RYR1: variants seen among roughly 807,000 people sequenced by gnomAD.
RYR1 encodes ryanodine receptor 1.
In RYR1, 342 loss-of-function variants were observed where a neutral mutation model predicts 583.5. The observed-to-expected ratio is 0.59, with a 90% CI of 0.54 to 0.64. The LOEUF (loss-of-function observed/expected upper bound fraction) is 0.64. RYR1 is among the 30% of genes least tolerant of loss of function. The pLI is 0.00. For missense variants in RYR1, 6,032 were observed against 6,917.2 expected (o/e 0.87, Z 4.54); for synonymous variants, 2,791 against 2,822.5 (o/e 0.99, Z 0.35).
At position 38,446,705 on chromosome 19, in the gene RYR1, A is replaced by C. The variant is rs923613797; in HGVS notation, c.737A>C (p.Tyr246Ser). The C allele has an allele frequency of 6.2e-7, 1 of 1,613,872 alleles. No individual in the cohort carries two copies. Among genetic ancestry groups the C allele is most frequent in the Admixed American group, 1.7e-5 (1 of 60,018 alleles). ...DSDDQRRLVY[Y>S]EGGAVCTHAR... is the part of the protein sequence containing the mutation. The stretch of plus-strand genomic sequence containing the variant: ...TTCTGTGTCCCCAGACTTGTCTACT[A>C]TGAGGGGGGAGCTGTGTGCACTCAT... The change falls in exon 9 of 106, where the codon TAT (tyrosine) becomes TCT (serine). Residue 246 changes from tyrosine (Y) to serine (S), a missense_variant. Physicochemically the swap from Tyr to Ser is moderately radical, Grantham distance 144 (BLOSUM62 -2). Transcript: ENST00000359596.
intron 36 of RYR1, 83 bp from the exon 37 acceptor site, chr19:38,490,538 A>G: frequency 1.1e-6 from 1 of 943,626 alleles, no homozygotes; most frequent in South Asian, 1.3e-5. Context: ...GACATGGACT[A>G]ACAATTGCAT....
chr19:38,478,675 T>C, intron 31 of RYR1, 75 bp downstream of exon 31: 1 of 1,534,746 alleles, frequency 6.5e-7, no homozygotes, highest in African/African-American at 1.4e-5. Context: ...AGATGTCCCC[T>C]GAGGCCAGAC....
chr19:38,489,247 A>G lies in RYR1; in HGVS notation c.5618A>G (p.Glu1873Gly). ...ATGATTGAGCCTGAGGTCTTCACTG[A>G]GGAAGAAGAGGAGGAGGACGAGGAG... Reference protein sequence around the residue: ...LKMIEPEVFTEEEEEEDEEEE... With the variant: ...LKMIEPEVFTGEEEEEDEEEE... The change falls in exon 35 of 106, where the codon GAG becomes GGG. Residue 1873 changes from glutamate (E) to glycine (G), a missense_variant. Transcript: ENST00000359596. The G allele has an allele frequency of 6.2e-7, 1 of 1,613,382 alleles. No homozygotes were observed. Among genetic ancestry groups the G allele is most frequent in the Non-Finnish European group, 8.5e-7 (1 of 1,179,398 alleles).
Position 38,499,475 on chromosome 19 carries a change from G to A in RYR1, c.7028-160G>A, listed in dbSNP as rs959511064. 4.9e-5 allele frequency among the ~76,000 whole-genome samples: 6 copies of A among 122,240 alleles called. No homozygotes were observed. The highest frequency in any genetic ancestry group is 1.1e-4 in the Non-Finnish European group (6 of 56,654). The allele number at this position is 122,240 out of a possible 152,430, so 80.2% of individuals were successfully genotyped here. Reference sequence around the variant, plus strand: ...CCTGGTGTTACCCCTAGAGGTGTTGGGTCCTGGGGCTGGCAGGGGCCTGGT... The same window carrying A: ...CCTGGTGTTACCCCTAGAGGTGTTGAGTCCTGGGGCTGGCAGGGGCCTGGT... On this transcript the variant is annotated intron_variant, in intron 43 of 105. Coordinates refer to ENST00000359596, the MANE Select transcript of RYR1 (RefSeq NM_000540.3). The surrounding 1 kb of genome is among the most constrained non-coding windows in gnomAD (Gnocchi z 7.3).
chr19:38,525,461 G>T lies in RYR1; in HGVS notation c.10585G>T (p.Asp3529Tyr), dbSNP rs749796187. ...CGGCCTGAATATGTGTGCGCCCACCGACCAAGACCTCATCACGCTGGCCAA... is the reference window on the plus strand; with the variant it reads ...CGGCCTGAATATGTGTGCGCCCACCTACCAAGACCTCATCACGCTGGCCAA... ...PIGLNMCAPTDQDLITLAKTR... is the reference protein window; with the variant it reads ...PIGLNMCAPTYQDLITLAKTR... The change falls in exon 71 of 106, where the codon GAC becomes TAC. Residue 3529 changes from aspartate (D) to tyrosine (Y), a missense_variant. By Grantham distance (160) the Asp-to-Tyr change is radical. This residue lies in a region of RYR1 where 1,493 missense variants were observed against 1,715.5 expected (regional missense o/e 0.87). Coordinates refer to ENST00000359596, the MANE Select transcript of RYR1 (RefSeq NM_000540.3). 1.2e-6 allele frequency: 2 copies of T among 1,613,906 alleles called. No individual in the cohort carries two copies. Among genetic ancestry groups the T allele is most frequent in the Non-Finnish European group, 1.7e-6 (2 of 1,179,940 alleles).
chr19:38,441,414 A>C, intron 2 of RYR1, among the ~76,000 whole-genome samples: 1 of 62,638 alleles, frequency 1.6e-5, no homozygotes, highest in East Asian at 4.0e-4. Context: ...GGGGCGGGGG[A>C]GGATGGGACA....
chr19:38,534,263 G>T (rs1057282390), intron 78 of RYR1, among the ~76,000 whole-genome samples: 2 of 151,848 alleles, frequency 1.3e-5, no homozygotes, highest in African/African-American at 4.8e-5. Flanking sequence ...TCCCTGCCTC[G>T]GCCTCCCAAA....
At chr19:38,475,486 C>CGCATA in intron 29 of RYR1, 36 bp downstream of exon 29, 1 of 1,611,696 alleles carries the variant, frequency 6.2e-7, no homozygotes, top group Non-Finnish European at 8.5e-7. Flanking sequence ...GGGGTCCCCC[C>CGCATA]GCATAGCATA....
At chr19:38,462,697 G>A (rs1400962681) in intron 20 of RYR1, among the ~76,000 whole-genome samples, 1 of 152,132 alleles carries the variant, frequency 6.6e-6, no homozygotes, top group Admixed American at 6.5e-5. Context: ...ATACGGAGAA[G>A]GAAGGAGACT....
intron 97 of RYR1, among the ~76,000 whole-genome samples, chr19:38,577,508 C>T (rs1161006598): frequency 6.6e-6 from 1 of 151,964 alleles, no homozygotes; most frequent in Non-Finnish European, 1.5e-5. Flanking sequence ...TAGAAAAAAA[C>T]AAAGTGGGCT....
chr19:38,463,366 C>T (rs1600701342), intron 20 of RYR1, 57 bp from the exon 21 acceptor site: 2 of 1,455,754 alleles, frequency 1.4e-6, no homozygotes, highest in Middle Eastern at 1.7e-4. Context: ...AAAGAGGGGT[C>T]ATGATGGAGG....
intron 20 of RYR1, among the ~76,000 whole-genome samples, chr19:38,462,547 C>T (rs1174137316): frequency 6.6e-6 from 1 of 152,166 alleles, no homozygotes; most frequent in Non-Finnish European, 1.5e-5. Context: ...ACCATCATTG[C>T]CTCTTGCCTG....
chr19:38,479,883 A>AT lies in RYR1; in HGVS notation c.4620+1291dup, dbSNP rs1456542114. ...AGGCACGTGCCACCATGCCCAGCTA[A>AT]TTTTTTTTGTATTTATTGTGCAGAC... is the stretch of plus-strand genomic sequence containing the variant. On this transcript the variant is annotated intron_variant, in intron 31 of 105. Coordinates refer to ENST00000359596, the MANE Select transcript of RYR1 (RefSeq NM_000540.3). Among the ~76,000 whole-genome samples the AT allele has an allele frequency of 4.7e-5, 7 of 150,438 alleles. No homozygotes were observed. The South Asian group carries it at 8.4e-4, about 18-fold the overall frequency.
rs758325914 is a variant in RYR1 at position 38,444,106 on chromosome 19, A to C, written c.425-43A>C. On this transcript the variant is annotated intron_variant, in intron 5 of 105. Transcript: ENST00000359596. This position sits in a 1 kb window ranked among gnomAD's most constrained non-coding sequence, Gnocchi z 5.1. ...AGCCCTGGGGAAGAGCATTCTGGGA[A>C]GCCATCATCTGACAGCCACCCCCAT... The C allele has an allele frequency of 1.4e-5, 22 of 1,522,254 alleles. No homozygotes were observed. In the South Asian group the frequency reaches 2.2e-4, roughly 16 times the overall value. The allele number at this position is 1,522,254 out of a possible 1,614,324, so 94.3% of individuals were successfully genotyped here.
At chr19:38,572,980 C>T (rs536025943) in intron 95 of RYR1, among the ~76,000 whole-genome samples, 197 bp from the exon 96 acceptor site, 1 of 151,684 alleles carries the variant, frequency 6.6e-6, no homozygotes, top group Admixed American at 6.6e-5. Context: ...CCCATCCCTG[C>T]CCTGACCCCT....
At position 38,565,857 on chromosome 19, in the gene RYR1, A is replaced by T; in HGVS notation, c.13437+86A>T. On this transcript the variant is annotated intron_variant, in intron 91 of 105. Coordinates refer to ENST00000359596, the MANE Select transcript of RYR1 (RefSeq NM_000540.3). This position sits in a 1 kb window ranked among gnomAD's most constrained non-coding sequence, Gnocchi z 4.7. ...AGCCCGGCTGGGTGGAGACACACAC[A>T]GAGGAGAGAACTGGCTAGGGGGATG... 5 of 1,322,822 alleles carry T rather than the reference A, an allele frequency of 3.8e-6. No homozygotes were observed. In the South Asian group the frequency reaches 9.8e-5, roughly 26 times the overall value. The allele number at this position is 1,322,822 out of a possible 1,614,324, so 81.9% of individuals were successfully genotyped here. A position where few individuals can be genotyped will look rare whatever the true frequency, so the allele number is the denominator to read the frequency against.
At position 38,504,252 on chromosome 19, in the gene RYR1, G is replaced by A. The variant is rs774345283; in HGVS notation, c.7959G>A (p.Lys2653=). ...LLTNHYERCW[K]YYCLPTGWAN... ...CCAACCACTATGAGCGCTGTTGGAA[G>A]TACTACTGCCTACCCACGGGCTGGG... The change falls in exon 50 of 106, where the codon AAG becomes AAA. Residue 2653 remains lysine, a synonymous_variant. Coordinates refer to ENST00000359596, the MANE Select transcript of RYR1 (RefSeq NM_000540.3). The A allele has an allele frequency of 1.9e-6, 3 of 1,613,928 alleles. No individual in the cohort carries two copies. Among genetic ancestry groups the A allele is most frequent in the Non-Finnish European group, 2.5e-6 (3 of 1,180,014 alleles).
At chr19:38,581,021 C>G (rs1027304190) in intron 101 of RYR1, among the ~76,000 whole-genome samples, 1 of 151,926 alleles carries the variant, frequency 6.6e-6, no homozygotes, top group African/African-American at 2.4e-5. Flanking sequence ...GCCTCAGCCT[C>G]CCAAGTAGCT....
At chr19:38,571,488 T>A (rs1159006451) in intron 94 of RYR1, among the ~76,000 whole-genome samples, 1 of 151,878 alleles carries the variant, frequency 6.6e-6, no homozygotes, top group African/African-American at 2.4e-5. Context: ...CAAAAAAAAA[T>A]TAGCCAGGCC....
Sources: allele counts gnomAD v4.1 joint callset (sites outside exome capture counted in the v4.1 genomes callset), GRCh38; gene constraint gnomAD v4.1.1; regional missense constraint gnomAD v4.1.1; non-coding constraint Gnocchi (gnomAD v3.1); transcripts MANE v1.5; gene names NCBI Gene and HGNC (gene_info 2026-07-23, HGNC 2026-07-21).